Variants in MYO1D observed in about 807,000 individuals in gnomAD.
MYO1D encodes the protein myosin ID.
Under a neutral mutation model 122.0 loss-of-function variants are expected in MYO1D, and 83 were observed. The observed-to-expected ratio is 0.68, with a 90% CI of 0.57 to 0.82. The LOEUF is 0.82. MYO1D is among the 40% of genes least tolerant of loss of function. The pLI is 0.00. For missense variants in MYO1D, 1,157 were observed against 1,269.5 expected, an observed-to-expected ratio of 0.91 and a Z score of 1.35; for synonymous variants, 464 against 446.9, an observed-to-expected ratio of 1.04 and a Z score of -0.48.
At chr17:32,698,159 C>T (rs779540115) in intron 16 of MYO1D, among the ~76,000 whole-genome samples, 11 of 152,166 alleles carry the variant, frequency 7.2e-5, no homozygotes, top group Non-Finnish European at 1.3e-4. Context: ...AGTTAAATAA[C>T]CAGAATAGTA....
At position 32,502,416 on chromosome 17, in the gene MYO1D, G is replaced by A. The variant is rs570398938; in HGVS notation, c.2865-7501C>T. 5.9e-5 allele frequency among the ~76,000 whole-genome samples: 9 copies of A among 152,318 alleles called. 1 individual carries two copies. Among genetic ancestry groups the A allele is most frequent in the Admixed American group, 3.9e-4 (6 of 15,298 alleles). ...GCCAAGGGCTGCGGGGAGTGGGGGC[G>A]TGGAGGGACTGCTTAGAGGGCATAG... On this transcript the variant is annotated intron_variant, in intron 21 of 21. Transcript: ENST00000318217.
chr17:32,869,230 G>A (rs2151092437), intron 1 of MYO1D, among the ~76,000 whole-genome samples: 1 of 151,280 alleles, frequency 6.6e-6, no homozygotes, highest in African/African-American at 2.4e-5. Flanking sequence ...AAAAAAAAAA[G>A]AGATCTAGCC....
rs750149942 is a variant in MYO1D, at chr17:32,721,000, C to T, written c.1913+23G>A. The T allele has an allele frequency of 1.9e-6, 3 of 1,604,888 alleles. No individual in the cohort carries two copies. The East Asian group carries it at 6.7e-5, about 36-fold the overall frequency. ...CTCCCTTATTCTCAGTGAACTAGGC[C>T]TCTCTGACGAGTCTATTCTCACCTG... On this transcript the variant is annotated intron_variant, in intron 15 of 21. Coordinates refer to ENST00000318217, the MANE Select transcript of MYO1D (RefSeq NM_015194.3).
intron 1 of MYO1D, among the ~76,000 whole-genome samples, chr17:32,869,762 G>C (rs1194864693): frequency 6.6e-6 from 1 of 151,696 alleles, no homozygotes; most frequent in Admixed American, 6.6e-5. Flanking sequence ...TGTAAAAGTA[G>C]TTCCCAAATA....
chr17:32,651,386 T>C (rs1472914827), intron 19 of MYO1D, among the ~76,000 whole-genome samples: 1 of 152,146 alleles, frequency 6.6e-6, no homozygotes. Flanking sequence ...TCTGTGCAAC[T>C]CTCTCCTCTC....
chr17:32,780,216 T>G (rs1264233615), intron 2 of MYO1D, among the ~76,000 whole-genome samples: 1 of 152,198 alleles, frequency 6.6e-6, no homozygotes, highest in Non-Finnish European at 1.5e-5. Context: ...TGATTCTTCC[T>G]TTTCACACCT....
intron 11 of MYO1D, 39 bp downstream of exon 11, chr17:32,755,453 T>C (rs752277274): frequency 2.5e-6 from 4 of 1,593,286 alleles, no homozygotes; most frequent in East Asian, 2.2e-5. Context: ...AAGGAGAACC[T>C]CACAGATAAA....
chr17:32,790,179 T>A (rs143348099), intron 1 of MYO1D, among the ~76,000 whole-genome samples: 5 of 152,316 alleles, frequency 3.3e-5, no homozygotes, highest in African/African-American at 1.2e-4. Context: ...CCACTCTCCA[T>A]CCGTTCCCCA....
chr17:32,840,308 G>A (rs2090868220), intron 1 of MYO1D, among the ~76,000 whole-genome samples: 1 of 152,216 alleles, frequency 6.6e-6, no homozygotes. Flanking sequence ...CAAGGGTTAG[G>A]ACCAAGATAA....
rs1374893414 is a variant in MYO1D at position 32,493,792 on chromosome 17, G to GC, written c.*966dup. ...TGCCAGGACCCCACGCTGTGCTGCT[G>GC]CCCCGCTTCCTGCTTCCCGTCATCC... On this transcript the variant is annotated 3_prime_UTR_variant, in exon 22 of 22. Coordinates refer to ENST00000318217, the MANE Select transcript of MYO1D (RefSeq NM_015194.3). 6.6e-6 allele frequency: 1 copy of GC among 152,336 alleles called. No homozygotes were observed. Among genetic ancestry groups the GC allele is most frequent in the Non-Finnish European group, 1.5e-5 (1 of 68,126 alleles). 9.4% of individuals were successfully genotyped at this position (152,336 alleles called of 1,614,324 possible).
chr17:32,863,540 C>T (rs546650945), intron 1 of MYO1D, among the ~76,000 whole-genome samples: 4 of 152,154 alleles, frequency 2.6e-5, no homozygotes, highest in South Asian at 2.1e-4. Flanking sequence ...CAGAAAGCAA[C>T]GATAGAAACT....
chr17:32,875,099 C>T (rs529472574), intron 1 of MYO1D, among the ~76,000 whole-genome samples: 1 of 152,294 alleles, frequency 6.6e-6, no homozygotes, highest in East Asian at 1.9e-4. Flanking sequence ...AAATGAAAGG[C>T]TTCATATTCA....
At chr17:32,705,201 T>C (rs1370135105) in intron 16 of MYO1D, among the ~76,000 whole-genome samples, 4 of 152,192 alleles carry the variant, frequency 2.6e-5, no homozygotes, top group African/African-American at 9.7e-5. Flanking sequence ...ATGTGAAACC[T>C]GTGTATACAG....
intron 16 of MYO1D, among the ~76,000 whole-genome samples, chr17:32,676,074 T>C (rs2088804858): frequency 6.6e-6 from 1 of 152,146 alleles, no homozygotes; most frequent in Non-Finnish European, 1.5e-5. Context: ...GAGTGATATA[T>C]GCAGTAACAT....
At chr17:32,773,159 C>T (rs528131785) in intron 4 of MYO1D, among the ~76,000 whole-genome samples, 28 of 152,194 alleles carry the variant, frequency 1.8e-4, no homozygotes, top group African/African-American at 6.3e-4. Flanking sequence ...GAACATCTCA[C>T]CAATTTTAAA....
intron 1 of MYO1D, among the ~76,000 whole-genome samples, chr17:32,810,857 T>C (rs1274025093): frequency 6.6e-6 from 1 of 152,250 alleles, no homozygotes; most frequent in African/African-American, 2.4e-5. Context: ...AGTTGTCTTT[T>C]TTTTTGGTAA....
chr17:32,608,547 A>G (rs1296393474), intron 20 of MYO1D, among the ~76,000 whole-genome samples: 1 of 152,250 alleles, frequency 6.6e-6, no homozygotes, highest in Non-Finnish European at 1.5e-5. Context: ...CATTGGTGAA[A>G]ATACAAAATG....
At chr17:32,665,146 TC>T (rs1567937700) in intron 16 of MYO1D, among the ~76,000 whole-genome samples, 1 of 152,102 alleles carries the variant, frequency 6.6e-6, no homozygotes, top group African/African-American at 2.4e-5. Flanking sequence ...GTAGTCACCT[TC>T]CCAAGGGAGG....
chr17:32,732,046 C>A (rs574671453), intron 14 of MYO1D, among the ~76,000 whole-genome samples: 3 of 152,350 alleles, frequency 2.0e-5, no homozygotes, highest in South Asian at 4.1e-4. Context: ...GGTATGCGCA[C>A]ACTTGGGGCA....
Sources: gnomAD v4.1 joint callset for allele counts (sites outside exome capture counted in the v4.1 genomes callset) on GRCh38, gnomAD v4.1.1 for gene constraint, MANE v1.5 for transcripts, NCBI Gene and HGNC (gene_info 2026-07-23, HGNC 2026-07-21) for gene names.